EHBP1: variants seen among roughly 807,000 people sequenced by gnomAD.
EHBP1 encodes the protein EH domain binding protein 1.
In EHBP1, 55 loss-of-function variants were observed where a neutral mutation model predicts 144.0. That is an observed-to-expected ratio of 0.38 (90% CI 0.31 to 0.48). The LOEUF (loss-of-function observed/expected upper bound fraction) is 0.48. Ranked by LOEUF, EHBP1 falls within the 20% of genes least tolerant of loss-of-function variation. The pLI is 0.98. For synonymous variants in EHBP1, 469 were observed against 472.7 expected, an observed-to-expected ratio of 0.99 and a Z score of 0.10; for missense variants, 1,200 against 1,364.2, an observed-to-expected ratio of 0.88 and a Z score of 1.90.
chr2:62,830,067 A>C (rs1373833395), intron 6 of EHBP1, among the ~76,000 whole-genome samples: 1 of 150,598 alleles, frequency 6.6e-6, no homozygotes, highest in African/African-American at 2.4e-5. Flanking sequence ...CACAATTTGC[A>C]ATTGCAAAAA....
At chr2:62,756,046 G>A (rs2040247815) in intron 3 of EHBP1, among the ~76,000 whole-genome samples, 1 of 151,032 alleles carries the variant, frequency 6.6e-6, no homozygotes. Flanking sequence ...GGCTGAGGCA[G>A]ATGGATTACT....
intron 2 of EHBP1, among the ~76,000 whole-genome samples, chr2:62,746,236 T>C (rs904514706): frequency 6.6e-6 from 1 of 152,134 alleles, no homozygotes. Flanking sequence ...ATTGTCCTAG[T>C]GCAGGTTTCT....
chr2:62,936,655 A>G (rs907652267), intron 10 of EHBP1, among the ~76,000 whole-genome samples: 1 of 152,016 alleles, frequency 6.6e-6, no homozygotes, highest in Non-Finnish European at 1.5e-5. Flanking sequence ...GCTTGGAGAA[A>G]GTTGGTTGAT....
At chr2:62,834,251 T>C (rs536054006) in intron 7 of EHBP1, among the ~76,000 whole-genome samples, 2 of 152,354 alleles carry the variant, frequency 1.3e-5, no homozygotes, top group Admixed American at 6.5e-5. Context: ...TGAGAGGATT[T>C]ATTTCAATTT....
intron 9 of EHBP1, among the ~76,000 whole-genome samples, chr2:62,869,921 T>C (rs929224941): frequency 1.3e-5 from 2 of 152,208 alleles, no homozygotes; most frequent in Non-Finnish European, 2.9e-5. Context: ...AAATAACTGG[T>C]GTGTGACGGG....
At chr2:62,771,494 G>T (rs1315744237) in intron 5 of EHBP1, 102 bp downstream of exon 5, 1 of 822,206 alleles carries the variant, frequency 1.2e-6, no homozygotes, top group Non-Finnish European at 1.9e-6. Context: ...GTTGCCTTAA[G>T]AAAATTAAAT....
At chr2:62,965,217 G>A (rs1034053414) in intron 14 of EHBP1, among the ~76,000 whole-genome samples, 2 of 152,082 alleles carry the variant, frequency 1.3e-5, no homozygotes, top group Non-Finnish European at 2.9e-5. Context: ...TTTCTAAAAG[G>A]GGGTTAAACT....
intron 19 of EHBP1, among the ~76,000 whole-genome samples, chr2:63,029,136 T>C (rs984211541): frequency 2.6e-5 from 4 of 152,100 alleles, no homozygotes; most frequent in African/African-American, 9.7e-5. Context: ...TAAAACCCAC[T>C]GTCAATAACT....
At chr2:62,830,889 T>C (rs551278635) in intron 6 of EHBP1, 130 bp from the exon 7 acceptor site, 4 of 870,728 alleles carry the variant, frequency 4.6e-6, no homozygotes, top group Admixed American at 3.3e-5. Context: ...TTCAATATTC[T>C]TGTGCAACTG....
At chr2:62,736,439 G>A (rs1452397924) in intron 2 of EHBP1, among the ~76,000 whole-genome samples, 1 of 151,980 alleles carries the variant, frequency 6.6e-6, no homozygotes, top group East Asian at 1.9e-4. Flanking sequence ...GGCCAGGCTG[G>A]TCTCGAACTC....
intron 2 of EHBP1, among the ~76,000 whole-genome samples, chr2:62,736,369 G>A (rs1194281190): frequency 6.6e-6 from 1 of 151,574 alleles, no homozygotes; most frequent in African/African-American, 2.4e-5. Context: ...GATTAGAGGT[G>A]TGCACCACCA....
At chr2:62,967,947 C>A (rs1249216885) in intron 14 of EHBP1, among the ~76,000 whole-genome samples, 1 of 151,942 alleles carries the variant, frequency 6.6e-6, no homozygotes, top group Non-Finnish European at 1.5e-5. Context: ...TGAAACTTAG[C>A]TGCTACAGAT....
In EHBP1 at chr2:62,676,124, CAT is replaced by C. The variant is rs2033283310; in HGVS notation, c.-296+2042_-296+2043del. On this transcript the variant is annotated intron_variant, in intron 1 of 22. Coordinates refer to the EHBP1 transcript ENST00000405015. The stretch of plus-strand genomic sequence containing the variant: ...AAATAGAGCTGCCCTCTTCAAAAAG[CAT>C]GGTTATGAATCTATCCTTAATTAAG... 3.5e-5 allele frequency among the ~76,000 whole-genome samples: 3 copies of C among 84,982 alleles called. No individual in the cohort carries two copies. In the South Asian group the frequency reaches 8.6e-4, roughly 24 times the overall value. The allele number at this position is 84,982 out of a possible 152,430, so 55.8% of individuals were successfully genotyped here.
intron 2 of EHBP1, among the ~76,000 whole-genome samples, chr2:62,728,299 A>G (rs929120786): frequency 6.6e-6 from 1 of 152,352 alleles, no homozygotes. Context: ...TGTAGGAACT[A>G]ACTTTTTGAA....
In EHBP1 at chr2:62,951,543, G is replaced by C. The variant is rs571756501; in HGVS notation, c.2316+2381G>C. ...TTCTTTTTTTTTTTTTTGGGGGGGG[G>C]GGGTGGAGTCTTGCCCTGTCACCCA... On this transcript the variant is annotated intron_variant, in intron 13 of 22. Coordinates refer to ENST00000431489, the MANE Select transcript of EHBP1 (RefSeq NM_001142616.3). Among the ~76,000 whole-genome samples the C allele has an allele frequency of 5.6e-5, 8 of 141,834 alleles. 1 individual carries two copies. The highest frequency in any genetic ancestry group is 4.9e-4 in the South Asian group (2 of 4,122). 93.0% of individuals were successfully genotyped at this position (141,834 alleles called of 152,430 possible).
intron 14 of EHBP1, among the ~76,000 whole-genome samples, chr2:62,961,287 T>G (rs948371880): frequency 1.3e-5 from 2 of 152,364 alleles, no homozygotes; most frequent in South Asian, 4.1e-4. Context: ...GTAAAACTAC[T>G]TATTGCCTTT....
chr2:62,879,596 C>G (rs111870953), intron 10 of EHBP1, among the ~76,000 whole-genome samples: 13,065 of 140,760 alleles, frequency 0.093, 722 homozygotes, highest in Non-Finnish European at 0.13. Flanking sequence ...CACACAGAGA[C>G]AGAGAGAGAG....
At chr2:62,734,221 T>A (rs1470965845) in intron 2 of EHBP1, among the ~76,000 whole-genome samples, 1 of 152,084 alleles carries the variant, frequency 6.6e-6, no homozygotes, top group Non-Finnish European at 1.5e-5. Context: ...ATATAGTTTA[T>A]CAATATTACA....
Position 62,687,815 on chromosome 2 carries a change from T to C in EHBP1, c.-296+13732T>C, listed in dbSNP as rs554456794. Among the ~76,000 whole-genome samples, 87 of 152,304 alleles carry C rather than the reference T, an allele frequency of 5.7e-4. 1 individual carries two copies. Among genetic ancestry groups the C allele is most frequent in the African/African-American group, 1.9e-3 (79 of 41,578 alleles). On this transcript the variant is annotated intron_variant, in intron 1 of 22. Transcript: ENST00000405015. ...AAGATCAAGGAGACAAGAGTTAGTG[T>C]GTCCTTATAAAGTATGAGGTTGAAT...
Sources: allele counts gnomAD v4.1 joint callset (sites outside exome capture counted in the v4.1 genomes callset), GRCh38; gene constraint gnomAD v4.1.1; transcripts MANE v1.5; gene names NCBI Gene and HGNC (gene_info 2026-07-23, HGNC 2026-07-21).